SEMA3A: variants seen among roughly 807,000 people sequenced by gnomAD.
SEMA3A encodes semaphorin 3A, also known as semaphorin-3A.
A neutral mutation model predicts 97.9 loss-of-function variants in SEMA3A; 29 were observed. That is an observed-to-expected ratio of 0.30 (90% CI 0.22 to 0.40). SEMA3A has a LOEUF of 0.40. SEMA3A is among the 10% of genes least tolerant of loss of function. SEMA3A has a pLI of 1.00. For synonymous variants in SEMA3A, 321 were observed against 323.7 expected (o/e 0.99, Z 0.09); for missense variants, 763 against 951.3 (o/e 0.80, Z 2.60).
chr7:84,052,624 A>T (rs886654274), intron 5 of SEMA3A, among the ~76,000 whole-genome samples: 1 of 151,938 alleles, frequency 6.6e-6, no homozygotes, highest in African/African-American at 2.4e-5. Context: ...TAGTCTTGCT[A>T]GCGGCCTATC....
At chr7:84,361,468 G>C (rs1047313591) in intron 2 of SEMA3A, among the ~76,000 whole-genome samples, 3 of 151,990 alleles carry the variant, frequency 2.0e-5, no homozygotes, top group Non-Finnish European at 2.9e-5. Context: ...CTACTACTCA[G>C]CTATGGAGCA....
chr7:84,389,630 A>G (rs2116169029), intron 1 of SEMA3A, among the ~76,000 whole-genome samples: 1 of 152,224 alleles, frequency 6.6e-6, no homozygotes, highest in Non-Finnish European at 1.5e-5. Flanking sequence ...GATTGGAGAT[A>G]TCCTTCCTAT....
intron 4 of SEMA3A, among the ~76,000 whole-genome samples, chr7:84,073,545 T>A (rs1793823754): frequency 6.6e-6 from 1 of 152,104 alleles, no homozygotes; most frequent in Admixed American, 6.6e-5. Flanking sequence ...AGCAATTTAG[T>A]CTGTATTCAG....
chr7:84,461,307 G>A (rs923325506), intron 1 of SEMA3A, among the ~76,000 whole-genome samples: 4 of 152,058 alleles, frequency 2.6e-5, no homozygotes, highest in Admixed American at 1.3e-4. Context: ...TCCAATGAAC[G>A]GCCTGCTGTG....
chr7:84,198,316 C>A (rs1229935957), upstream of SEMA3A, among the ~76,000 whole-genome samples: 1 of 152,130 alleles, frequency 6.6e-6, no homozygotes, highest in Non-Finnish European at 1.5e-5. Context: ...CTGCCTCAGC[C>A]TCCCGAGTAG....
intron 1 of SEMA3A, among the ~76,000 whole-genome samples, chr7:84,181,338 AT>A (rs1185736013): frequency 4.6e-4 from 69 of 149,004 alleles, no homozygotes; most frequent in African/African-American, 1.5e-3. Flanking sequence ...ATATATATAT[AT>A]AACACACATA....
At chr7:84,248,866 T>C (rs868417582) in intron 3 of SEMA3A, among the ~76,000 whole-genome samples, 1 of 151,988 alleles carries the variant, frequency 6.6e-6, no homozygotes, top group Admixed American at 6.6e-5. Flanking sequence ...TGAGGGAGTG[T>C]GAGGCTTCAA....
chr7:84,073,273 T>G (rs1562758595), intron 4 of SEMA3A, among the ~76,000 whole-genome samples: 1 of 151,680 alleles, frequency 6.6e-6, no homozygotes, highest in African/African-American at 2.4e-5. Context: ...TGGGTGTGGG[T>G]GTGTGTGTCT....
chr7:84,409,976 T>A (rs1472637274), intron 1 of SEMA3A, among the ~76,000 whole-genome samples: 1 of 152,124 alleles, frequency 6.6e-6, no homozygotes, highest in Non-Finnish European at 1.5e-5. Context: ...TTAATAGCTT[T>A]CATTTTTGTT....
At chr7:84,159,819 T>C (rs1267874669) in intron 1 of SEMA3A, among the ~76,000 whole-genome samples, 1 of 152,174 alleles carries the variant, frequency 6.6e-6, no homozygotes, top group African/African-American at 2.4e-5. Flanking sequence ...TTTTAGAAAA[T>C]GACTTATATG....
rs551559381 is a variant in SEMA3A at position 84,015,512 on chromosome 7, G to A, written c.668-1161C>T. Among the ~76,000 whole-genome samples the A allele has an allele frequency of 2.0e-5, 3 of 152,228 alleles. No homozygotes were observed. The East Asian group carries it at 5.8e-4, about 29-fold the overall frequency. ...ATAGCTTTAAGATGCTATGTGCAAC[G>A]AAGCTAAGTGTACCTCACTGAAGGC... On this transcript the variant is annotated intron_variant, in intron 6 of 16. Coordinates refer to ENST00000265362, the MANE Select transcript of SEMA3A (RefSeq NM_006080.3).
chr7:84,134,022 C>CGG (rs1796046205), intron 2 of SEMA3A, among the ~76,000 whole-genome samples: 1 of 151,922 alleles, frequency 6.6e-6, no homozygotes, highest in Non-Finnish European at 1.5e-5. Context: ...GATCGCGCCA[C>CGG]TGCACTCCAG....
At chr7:84,157,100 G>A (rs1722379476) in intron 1 of SEMA3A, among the ~76,000 whole-genome samples, 2 of 152,070 alleles carry the variant, frequency 1.3e-5, no homozygotes, top group African/African-American at 2.4e-5. Flanking sequence ...CACATTATCT[G>A]GAATATATGC....
chr7:84,136,950 GAGGGAGGGAAGAAGGA>G (rs1203670574), intron 1 of SEMA3A, among the ~76,000 whole-genome samples: 2 of 127,612 alleles, frequency 1.6e-5, no homozygotes, highest in Admixed American at 1.7e-4. Context: ...GGGAGGGAAG[GAGGGAGGGAAGAAGGA>G]AGGAAGGAAG....
intron 4 of SEMA3A, among the ~76,000 whole-genome samples, chr7:84,107,876 G>A (rs1454745610): frequency 1.3e-5 from 2 of 152,104 alleles, no homozygotes; most frequent in East Asian, 1.9e-4. Context: ...GGGGAAGTTA[G>A]GAGAGGTGCA....
intron 1 of SEMA3A, among the ~76,000 whole-genome samples, chr7:84,443,774 T>G (rs1386387522): frequency 6.6e-6 from 1 of 152,036 alleles, no homozygotes; most frequent in East Asian, 1.9e-4. Flanking sequence ...CAAGCAAAAT[T>G]CCTTGAGCAT....
intron 4 of SEMA3A, among the ~76,000 whole-genome samples, chr7:84,062,532 G>A (rs565294560): frequency 4.6e-5 from 7 of 152,292 alleles, no homozygotes; most frequent in South Asian, 4.1e-4. Flanking sequence ...TACGGAGTGC[G>A]AGACAGTGGG....
chr7:84,302,064 T>A (rs574448470), intron 3 of SEMA3A, among the ~76,000 whole-genome samples: 1 of 152,218 alleles, frequency 6.6e-6, no homozygotes, highest in East Asian at 1.9e-4. Context: ...ATGTAGTATA[T>A]CCATATAGAA....
At chr7:84,448,663 A>T (rs558163495) in intron 1 of SEMA3A, among the ~76,000 whole-genome samples, 9 of 152,094 alleles carry the variant, frequency 5.9e-5, no homozygotes, top group Non-Finnish European at 2.9e-5. Context: ...ATGAACATTA[A>T]AAAAAGTAAA....
Sources: allele counts gnomAD v4.1 joint callset (sites outside exome capture counted in the v4.1 genomes callset), GRCh38; gene constraint gnomAD v4.1.1; transcripts MANE v1.5; gene names NCBI Gene and HGNC (gene_info 2026-07-23, HGNC 2026-07-21).